The following AFDN variants were observed in gnomAD, a reference collection of about 807,000 sequenced individuals.
AFDN encodes the protein afadin, adherens junction formation factor.
In AFDN, 68 loss-of-function variants were observed where a neutral mutation model predicts 216.6. The observed-to-expected ratio is 0.31, with a 90% CI of 0.26 to 0.38. The LOEUF (loss-of-function observed/expected upper bound fraction) is 0.38, where lower values mean the gene tolerates loss of function less well. Among genes scored for constraint, AFDN ranks in the 10% least tolerant of loss-of-function variants. The pLI is 1.00. For missense variants in AFDN, 2,136 were observed against 2,342.0 expected (o/e 0.91, Z 1.82); for synonymous variants, 868 against 853.7 (o/e 1.02, Z -0.29).
Position 167,946,739 on chromosome 6 carries a change from C to A in AFDN, c.3391C>A (p.Pro1131Thr), listed in dbSNP as rs1333037508. The change falls in exon 27 of 34, where the codon CCA becomes ACA. Residue 1131 changes from proline to threonine, a missense_variant. Pro to Thr is a conservative substitution (Grantham distance 38, BLOSUM62 -1). Around this residue, in one of 8 missense-constraint regions of AFDN, gnomAD observed 981 missense variants for 966.0 expected, o/e 1.02. Transcript: ENST00000683244. ...SDRRGSGKPR[P>T]KSEGFELYNN... ...TCGTCGTGGCTCAGGTAAACCCCGACCAAAGAGTGAAGGCTTTGAGCTCTA... is the reference window on the plus strand; with the variant it reads ...TCGTCGTGGCTCAGGTAAACCCCGAACAAAGAGTGAAGGCTTTGAGCTCTA... 6.2e-7 allele frequency: 1 copy of A among 1,613,916 alleles called. No individual in the cohort carries two copies. The highest frequency in any genetic ancestry group is 8.5e-7 in the Non-Finnish European group (1 of 1,180,002).
chr6:167,826,883 T>TGCGGGCGGCGGGCGGCGGGCGGCGGGCG (rs1260847310), upstream of AFDN: 3 of 131,762 alleles, frequency 2.3e-5, no homozygotes, highest in African/African-American at 8.0e-5. Context: ...CGCGGGCGGG[T>TGCGGGCGGCGGGCGGCGGGCGGCGGGCG]GCGGGCGGCG....
chr6:167,939,022 T>C (rs1222242434), intron 23 of AFDN, among the ~76,000 whole-genome samples: 2 of 152,212 alleles, frequency 1.3e-5, no homozygotes, highest in Non-Finnish European at 2.9e-5. Context: ...TATTACAGTT[T>C]GTCTAAGTAA....
At chr6:167,897,642 C>CTTTTTTTTTTTTTT (rs57383020) in intron 10 of AFDN, among the ~76,000 whole-genome samples, 2 of 89,752 alleles carry the variant, frequency 2.2e-5, no homozygotes, top group Non-Finnish European at 3.9e-5. Flanking sequence ...GACTGTATGC[C>CTTTTTTTTTTTTTT]TTTTTTTTTT....
intron 1 of AFDN, among the ~76,000 whole-genome samples, chr6:167,840,002 A>G (rs985749753): frequency 5.3e-5 from 8 of 152,174 alleles, no homozygotes; most frequent in African/African-American, 1.9e-4. Flanking sequence ...GGAGCACTGC[A>G]GCTGCGGCAG....
At chr6:167,863,461 A>G (rs775733419) in intron 1 of AFDN, among the ~76,000 whole-genome samples, 1 of 152,234 alleles carries the variant, frequency 6.6e-6, no homozygotes, top group Non-Finnish European at 1.5e-5. Flanking sequence ...TTTTGAGAAC[A>G]TGAAAGCCAT....
chr6:167,936,643 A>G (rs1338481796), intron 23 of AFDN, among the ~76,000 whole-genome samples: 1 of 152,070 alleles, frequency 6.6e-6, no homozygotes, highest in East Asian at 1.9e-4. Flanking sequence ...GAGCTCCATA[A>G]TGTTAAGGAA....
chr6:167,901,742 T>A (rs1290913944), intron 11 of AFDN, among the ~76,000 whole-genome samples: 1 of 152,036 alleles, frequency 6.6e-6, no homozygotes, highest in African/African-American at 2.4e-5. Flanking sequence ...CTGGATAGAC[T>A]TACATAATGA....
intron 1 of AFDN, among the ~76,000 whole-genome samples, chr6:167,855,109 A>G (rs1341562363): frequency 7.9e-5 from 12 of 152,094 alleles, no homozygotes; most frequent in Admixed American, 5.2e-4. Context: ...CTTGATAACT[A>G]TAATTTTTTG....
chr6:167,851,733 C>T (rs1013981301), intron 1 of AFDN, among the ~76,000 whole-genome samples: 1 of 152,126 alleles, frequency 6.6e-6, no homozygotes, highest in African/African-American at 2.4e-5. Context: ...CAATGTCTGG[C>T]TGTTTCCAAG....
chr6:167,942,674 G>A (rs1794835943), intron 23 of AFDN, among the ~76,000 whole-genome samples: 1 of 152,082 alleles, frequency 6.6e-6, no homozygotes. Flanking sequence ...ATTATTTTCT[G>A]TATGATTTTC....
chr6:167,890,763 T>C, intron 7 of AFDN, 99 bp from the exon 8 acceptor site: 2 of 1,117,278 alleles, frequency 1.8e-6, no homozygotes, highest in Non-Finnish European at 2.6e-6. Flanking sequence ...CTAAATTACA[T>C]GCATCTTTTT....
At chr6:167,937,688 T>G (rs1216914820) in intron 23 of AFDN, among the ~76,000 whole-genome samples, 4 of 152,244 alleles carry the variant, frequency 2.6e-5, no homozygotes, top group African/African-American at 7.2e-5. Flanking sequence ...ATGTGTCTTA[T>G]TTGTGCCTTT....
At chr6:167,855,161 G>A (rs1055135576) in intron 1 of AFDN, among the ~76,000 whole-genome samples, 1 of 151,836 alleles carries the variant, frequency 6.6e-6, no homozygotes, top group Non-Finnish European at 1.5e-5. Flanking sequence ...AGGTATTCTA[G>A]TTTACTTAAG....
intron 20 of AFDN, among the ~76,000 whole-genome samples, 171 bp from the exon 21 acceptor site, chr6:167,918,564 G>A (rs942663564): frequency 8.5e-5 from 13 of 152,124 alleles, no homozygotes; most frequent in African/African-American, 2.7e-4. Context: ...CTGATGATGG[G>A]GGTACTCCTG....
chr6:167,913,251 A>G (rs960635213), intron 15 of AFDN, among the ~76,000 whole-genome samples, 152 bp from the exon 16 acceptor site: 21 of 152,212 alleles, frequency 1.4e-4, no homozygotes, highest in African/African-American at 4.8e-4. Flanking sequence ...AGAACCATAA[A>G]TGAAAATGTT....
At chr6:167,950,504 A>T (rs1795851734) in intron 29 of AFDN, among the ~76,000 whole-genome samples, 2 of 151,888 alleles carry the variant, frequency 1.3e-5, no homozygotes, top group Admixed American at 6.6e-5. Flanking sequence ...TACATTTTGG[A>T]CCTTTCTGGT....
At position 167,827,246 on chromosome 6, in the gene AFDN, C is replaced by A. The variant is rs898690128; in HGVS notation, c.105+9C>A. 9.7e-6 allele frequency: 11 copies of A among 1,130,520 alleles called. No individual in the cohort carries two copies. Among genetic ancestry groups the A allele is most frequent in the South Asian group, 2.0e-5 (1 of 49,976 alleles). The allele number at this position is 1,130,520 out of a possible 1,614,324, so 70.0% of individuals were successfully genotyped here. On this transcript the variant is annotated intron_variant, in intron 1 of 33. Transcript: ENST00000683244. ...TCAGCCAGCCGACCGAGGTGAGCAC[C>A]GCCGGGCGCGGGGCCTGCGCGACCC...
intron 1 of AFDN, among the ~76,000 whole-genome samples, chr6:167,852,033 G>A (rs1027521489): frequency 5.3e-5 from 8 of 151,978 alleles, no homozygotes; most frequent in African/African-American, 7.2e-5. Context: ...TCTTAATTTT[G>A]TTGTTTTTAG....
At position 167,875,789 on chromosome 6, in the gene AFDN, G is replaced by A. The variant is rs139548611; in HGVS notation, c.739+294G>A. 1.3e-3 allele frequency among the ~76,000 whole-genome samples: 201 copies of A among 151,444 alleles called. 3 individuals are homozygous for A. Among genetic ancestry groups the A allele is most frequent in the African/African-American group, 4.5e-3 (187 of 41,294 alleles). ...AAAGATACAATAAACTCCCGTGTAC[G>A]TATCACTGAGGTTTCTTCTGTTCTC... On this transcript the variant is annotated intron_variant, in intron 5 of 33. Coordinates refer to ENST00000683244, the MANE Select transcript of AFDN (RefSeq NM_001386888.1).
Sources: gnomAD v4.1 joint callset for allele counts (sites outside exome capture counted in the v4.1 genomes callset) on GRCh38, gnomAD v4.1.1 for gene constraint, gnomAD v4.1.1 regional missense constraint, MANE v1.5 for transcripts, NCBI Gene and HGNC (gene_info 2026-07-23, HGNC 2026-07-21) for gene names.